Variants in DAPP1 observed in about 807,000 individuals in gnomAD.
DAPP1 encodes dual adapter for phosphotyrosine and 3-phosphotyrosine and 3-phosphoinositide.
DAPP1 carries 20 observed loss-of-function variants against 41.5 expected under a neutral mutation model. That is an observed-to-expected ratio of 0.48 (90% CI 0.34 to 0.70). The LOEUF is 0.70. Among genes scored for constraint, DAPP1 ranks in the 30% least tolerant of loss-of-function variants. DAPP1 has a pLI of 0.01. For missense variants in DAPP1, 233 were observed against 333.4 expected, an observed-to-expected ratio of 0.70 and a Z score of 2.35; for synonymous variants, 113 against 116.2, an observed-to-expected ratio of 0.97 and a Z score of 0.18.
At chr4:99,866,229 T>C in intron 8 of DAPP1, 108 bp downstream of exon 8, 1 of 650,502 alleles carries the variant, frequency 1.5e-6, no homozygotes, top group Non-Finnish European at 2.8e-6. Flanking sequence ...ATCAAAGAGA[T>C]GTCTGGGTGT....
At chr4:99,840,985 A>G (rs1290007865) in intron 3 of DAPP1, among the ~76,000 whole-genome samples, 1 of 152,216 alleles carries the variant, frequency 6.6e-6, no homozygotes, top group East Asian at 1.9e-4. Context: ...AAAGAAAAAA[A>G]ACACAAAAAA....
intron 1 of DAPP1, among the ~76,000 whole-genome samples, chr4:99,832,080 T>G (rs961700487): frequency 1.3e-5 from 2 of 152,196 alleles, no homozygotes; most frequent in Non-Finnish European, 2.9e-5. Context: ...TACTTTATTC[T>G]CTCTTGGATA....
chr4:99,821,278 T>A (rs1327367246), intron 1 of DAPP1, among the ~76,000 whole-genome samples: 1 of 152,190 alleles, frequency 6.6e-6, no homozygotes, highest in African/African-American at 2.4e-5. Flanking sequence ...CAATACGATA[T>A]CACCATACTC....
At chr4:99,865,970 A>ATAATATAT (rs1321715579) in intron 7 of DAPP1, 64 bp from the exon 8 acceptor site, 906 of 78,174 alleles carry the variant, frequency 0.012, 29 homozygotes, top group African/African-American at 0.059. Context: ...TATATATTAT[A>ATAATATAT]TATATATATA....
At chr4:99,837,858 A>ATT (rs1254365343) in intron 2 of DAPP1, among the ~76,000 whole-genome samples, 6 of 152,094 alleles carry the variant, frequency 3.9e-5, no homozygotes, top group African/African-American at 1.4e-4. Context: ...AGATGGTCCC[A>ATT]TCTGGGGGTG....
intron 4 of DAPP1, among the ~76,000 whole-genome samples, chr4:99,857,528 T>C (rs759927637): frequency 2.3e-4 from 35 of 152,220 alleles, no homozygotes; most frequent in Non-Finnish European, 4.1e-4. Flanking sequence ...TGGCAACATC[T>C]TTCTGTCTTT....
intron 3 of DAPP1, among the ~76,000 whole-genome samples, chr4:99,851,702 G>A (rs1029001904): frequency 6.6e-6 from 1 of 151,406 alleles, no homozygotes; most frequent in Non-Finnish European, 1.5e-5. Flanking sequence ...CACCACGCTC[G>A]GCTAATTTAT....
chr4:99,817,166 T>TGTTAA (rs1219032692), intron 1 of DAPP1, among the ~76,000 whole-genome samples, 152 bp downstream of exon 1: 2 of 152,244 alleles, frequency 1.3e-5, no homozygotes, highest in Non-Finnish European at 2.9e-5. Context: ...CATTTGTATC[T>TGTTAA]GTTAAGTATC....
At chr4:99,858,071 G>A (rs1578188127) in intron 4 of DAPP1, among the ~76,000 whole-genome samples, 1 of 152,290 alleles carries the variant, frequency 6.6e-6, no homozygotes. Flanking sequence ...GCATTTGCCT[G>A]CGTGACCAGA....
chr4:99,817,077 T>C (rs2110129282), intron 1 of DAPP1, 63 bp downstream of exon 1: 1 of 1,245,986 alleles, frequency 8.0e-7, no homozygotes, highest in Non-Finnish European at 1.1e-6. Context: ...CACTCCCACC[T>C]GCATGCTTTG....
At chr4:99,831,266 A>G (rs533102708) in intron 1 of DAPP1, among the ~76,000 whole-genome samples, 164 of 152,158 alleles carry the variant, frequency 1.1e-3, no homozygotes, top group African/African-American at 3.9e-3. Flanking sequence ...GTGTATACAC[A>G]CCTATCTTCA....
chr4:99,833,809 T>A (rs1025358100), intron 1 of DAPP1, among the ~76,000 whole-genome samples: 1 of 152,178 alleles, frequency 6.6e-6, no homozygotes, highest in South Asian at 2.1e-4. Context: ...CCACAGAGGG[T>A]AAATTGAAAG....
At chr4:99,858,166 C>G (rs867321929) in intron 4 of DAPP1, among the ~76,000 whole-genome samples, 4 of 152,330 alleles carry the variant, frequency 2.6e-5, no homozygotes, top group African/African-American at 9.6e-5. Context: ...CTAGTTTTCT[C>G]AGTAAGTTCC....
chr4:99,821,234 G>C (rs1000700575), intron 1 of DAPP1, among the ~76,000 whole-genome samples: 1 of 152,100 alleles, frequency 6.6e-6, no homozygotes, highest in Non-Finnish European at 1.5e-5. Context: ...CCATTCACAC[G>C]CATAATGCCA....
chr4:99,820,863 A>G (rs996379191), intron 1 of DAPP1, among the ~76,000 whole-genome samples: 1 of 152,116 alleles, frequency 6.6e-6, no homozygotes, highest in African/African-American at 2.4e-5. Flanking sequence ...TTTTATGAAT[A>G]TTTTTCTATT....
At chr4:99,866,543 A>G (rs1261516707) in intron 8 of DAPP1, 1 of 765,806 alleles carries the variant, frequency 1.3e-6, no homozygotes, top group South Asian at 1.3e-5. Flanking sequence ...CAATGTAAGC[A>G]TCACTTTGTG....
At chr4:99,821,731 A>G in intron 1 of DAPP1, among the ~76,000 whole-genome samples, 1 of 152,216 alleles carries the variant, frequency 6.6e-6, no homozygotes, top group Non-Finnish European at 1.5e-5. Context: ...TCATCTTACT[A>G]TACTAGTACA....
Position 99,861,582 on chromosome 4 carries a change from G to C in DAPP1, c.494G>C (p.Gly165Ala), listed in dbSNP as rs368943931. The change falls in exon 5 of 9, where the codon GGC becomes GCC. Residue 165 changes from glycine (G) to alanine (A), a missense_variant. Physicochemically the swap from Gly to Ala is moderately conservative, Grantham distance 60. Transcript: ENST00000512369. ...CTCAGTGCTTTTCTTTTTCAGCTGG[G>C]CACCAAAGAAGGTTACCTCACCAAA... ...DDLVPTAPSL[G>A]TKEGYLTKQG... The C allele has an allele frequency of 5.9e-5, 92 of 1,572,030 alleles. 1 individual carries two copies. The African/African-American group carries it at 1.2e-3, about 21-fold the overall frequency.
chr4:99,840,166 A>G (rs1723447854), intron 2 of DAPP1, 123 bp from the exon 3 acceptor site: 1 of 590,672 alleles, frequency 1.7e-6, no homozygotes, highest in Admixed American at 4.1e-5. Flanking sequence ...AGTGGTTTCA[A>G]TGATTGCCTA....
Sources: gnomAD v4.1 joint callset for allele counts (sites outside exome capture counted in the v4.1 genomes callset) on GRCh38, gnomAD v4.1.1 for gene constraint, MANE v1.5 for transcripts, NCBI Gene and HGNC (gene_info 2026-07-23, HGNC 2026-07-21) for gene names.